The following SGMS1 variants were observed in gnomAD, a reference collection of about 807,000 sequenced individuals.
The protein encoded by SGMS1 is sphingomyelin synthase 1.
Under a neutral mutation model 46.2 loss-of-function variants are expected in SGMS1, and 13 were observed. The ratio of observed to expected loss-of-function variants is 0.28; its 90% CI spans 0.18 to 0.45. The LOEUF is 0.45. Among genes scored for constraint, SGMS1 ranks in the 20% least tolerant of loss-of-function variants. The pLI is 1.00. For missense variants in SGMS1, 324 were observed against 519.9 expected (o/e 0.62, Z 3.66); for synonymous variants, 203 against 187.8 (o/e 1.08, Z -0.66).
At chr10:50,470,062 G>T (rs1173745258) in intron 3 of SGMS1, among the ~76,000 whole-genome samples, 1 of 152,152 alleles carries the variant, frequency 6.6e-6, no homozygotes, top group Non-Finnish European at 1.5e-5. Flanking sequence ...AACTGCCATT[G>T]TCTGCTATGG....
chr10:50,386,914 C>G (rs1307341345), intron 6 of SGMS1, among the ~76,000 whole-genome samples: 1 of 152,096 alleles, frequency 6.6e-6, no homozygotes, highest in African/African-American at 2.4e-5. Context: ...CAAAGCAATT[C>G]TACAAAAAGG....
At chr10:50,313,091 G>A (rs1847282566) in intron 8 of SGMS1, among the ~76,000 whole-genome samples, 1 of 152,210 alleles carries the variant, frequency 6.6e-6, no homozygotes, top group African/African-American at 2.4e-5. Flanking sequence ...TCTAGGAAAC[G>A]ACATGACTTG....
intron 6 of SGMS1, among the ~76,000 whole-genome samples, chr10:50,412,355 C>T (rs1299863263): frequency 2.0e-5 from 3 of 152,186 alleles, no homozygotes; most frequent in Non-Finnish European, 4.4e-5. Context: ...TTGCCATCTC[C>T]CTGGAAAATT....
chr10:50,623,964 A>T, upstream of SGMS1: 1 of 985,458 alleles, frequency 1.0e-6, no homozygotes, highest in Non-Finnish European at 1.2e-6. Flanking sequence ...GCTGCCGAGC[A>T]TGCCCAGTCC....
At chr10:50,309,667 T>G (rs1280800599) in intron 9 of SGMS1, among the ~76,000 whole-genome samples, 1 of 152,204 alleles carries the variant, frequency 6.6e-6, no homozygotes, top group Non-Finnish European at 1.5e-5. Context: ...TTGCTAGAAC[T>G]CACTATATCT....
intron 6 of SGMS1, among the ~76,000 whole-genome samples, chr10:50,389,309 T>C (rs938948693): frequency 2.6e-5 from 4 of 152,214 alleles, no homozygotes; most frequent in African/African-American, 9.6e-5. Flanking sequence ...TCTAATAATA[T>C]AGTCATGGCT....
intron 3 of SGMS1, among the ~76,000 whole-genome samples, chr10:50,479,904 T>A (rs1014679017): frequency 2.6e-5 from 4 of 152,324 alleles, no homozygotes; most frequent in Non-Finnish European, 4.4e-5. Context: ...AGAAGGAATC[T>A]ATTTCTTTTC....
intron 6 of SGMS1, among the ~76,000 whole-genome samples, chr10:50,363,268 G>A (rs1326518545): frequency 2.0e-5 from 3 of 152,226 alleles, no homozygotes; most frequent in Non-Finnish European, 4.4e-5. Flanking sequence ...GATTTCGGAA[G>A]TTGGGAAGCA....
intron 6 of SGMS1, among the ~76,000 whole-genome samples, chr10:50,405,730 T>A (rs1056278436): frequency 3.9e-5 from 6 of 152,216 alleles, no homozygotes; most frequent in African/African-American, 1.4e-4. Context: ...CCAAATTGAA[T>A]TATTTCACAT....
intron 2 of SGMS1, among the ~76,000 whole-genome samples, chr10:50,561,778 C>T (rs570473583): frequency 6.6e-6 from 1 of 152,232 alleles, no homozygotes; most frequent in African/African-American, 2.4e-5. Context: ...AAATATTTTG[C>T]TTTTGGAATA....
intron 3 of SGMS1, among the ~76,000 whole-genome samples, chr10:50,478,070 C>T (rs760355960): frequency 2.6e-5 from 4 of 152,198 alleles, no homozygotes; most frequent in African/African-American, 4.8e-5. Context: ...CAGTCTGTTA[C>T]GTACATCAGT....
At chr10:50,574,547 A>G (rs905932128) in intron 2 of SGMS1, among the ~76,000 whole-genome samples, 4 of 152,214 alleles carry the variant, frequency 2.6e-5, no homozygotes, top group Admixed American at 2.6e-4. Flanking sequence ...ACTGGTGGGA[A>G]TGTAAATTGC....
At chr10:50,345,605 T>C (rs1847901968) in intron 6 of SGMS1, among the ~76,000 whole-genome samples, 1 of 152,222 alleles carries the variant, frequency 6.6e-6, no homozygotes, top group Non-Finnish European at 1.5e-5. Context: ...TATGGCTAAC[T>C]ATGGTACACA....
intron 6 of SGMS1, among the ~76,000 whole-genome samples, chr10:50,360,075 T>G (rs1238486343): frequency 6.6e-6 from 1 of 152,212 alleles, no homozygotes; most frequent in Admixed American, 6.5e-5. Context: ...CTTTGTAAAT[T>G]TAAAAATACG....
chr10:50,476,449 G>A (rs1259786822), intron 3 of SGMS1, among the ~76,000 whole-genome samples: 1 of 152,060 alleles, frequency 6.6e-6, no homozygotes, highest in Non-Finnish European at 1.5e-5. Flanking sequence ...AGTTTGCAGG[G>A]CTCATAAGAA....
At chr10:50,321,772 C>T (rs1847449775) in intron 8 of SGMS1, among the ~76,000 whole-genome samples, 1 of 152,168 alleles carries the variant, frequency 6.6e-6, no homozygotes, top group Non-Finnish European at 1.5e-5. Context: ...GTGTAGAGGG[C>T]ACCTGGAATA....
intron 3 of SGMS1, among the ~76,000 whole-genome samples, chr10:50,477,988 C>G (rs552683614): frequency 6.6e-6 from 1 of 152,268 alleles, no homozygotes; most frequent in Non-Finnish European, 1.5e-5. Flanking sequence ...GCAAATCAGA[C>G]AGAGTGATAC....
At chr10:50,355,212 G>C (rs1589402848) in intron 6 of SGMS1, among the ~76,000 whole-genome samples, 1 of 152,362 alleles carries the variant, frequency 6.6e-6, no homozygotes, top group East Asian at 1.9e-4. Flanking sequence ...AACAATGACA[G>C]ACTGGATTAA....
In SGMS1 at chr10:50,457,631, G is replaced by A. The variant is rs1837209395; in HGVS notation, c.-313+3042C>T. ...TCGTTCCCATCTTTATGTAGTCAAT[G>A]TTTAGCTACCACGTATAAGTGAGAA... On this transcript the variant is annotated intron_variant, in intron 5 of 10. Transcript: ENST00000361781. Among the ~76,000 whole-genome samples, 3 of 152,022 alleles carry A rather than the reference G, an allele frequency of 2.0e-5. No homozygotes were observed. In the South Asian group the frequency reaches 6.2e-4, roughly 32 times the overall value.
Sources: gnomAD v4.1 joint callset for allele counts (sites outside exome capture counted in the v4.1 genomes callset) on GRCh38, gnomAD v4.1.1 for gene constraint, MANE v1.5 for transcripts, NCBI Gene and HGNC (gene_info 2026-07-23, HGNC 2026-07-21) for gene names.